PDK1: variants seen among roughly 807,000 people sequenced by gnomAD.
PDK1 encodes the protein pyruvate dehydrogenase kinase 1.
A neutral mutation model predicts 54.2 loss-of-function variants in PDK1; 39 were observed. That is an observed-to-expected ratio of 0.72 (90% CI 0.56 to 0.94). The LOEUF (loss-of-function observed/expected upper bound fraction) is 0.94, where lower values mean the gene tolerates loss of function less well. Among genes scored for constraint, PDK1 ranks in the 40% least tolerant of loss-of-function variants. The pLI, the probability that PDK1 is intolerant of heterozygous loss-of-function variation, is 0.00. For synonymous variants in PDK1, 221 were observed against 207.1 expected, an observed-to-expected ratio of 1.07 and a Z score of -0.58; for missense variants, 552 against 566.0, an observed-to-expected ratio of 0.98 and a Z score of 0.25.
the PDK1 span, among the ~76,000 whole-genome samples, chr2:172,665,220 C>A: frequency 6.6e-6 from 1 of 151,456 alleles, no homozygotes; most frequent in African/African-American, 2.4e-5. Context: ...TCAATGATTG[C>A]CCCCTTTAAA....
chr2:172,558,983 C>T (rs1054284033), intron 2 of PDK1, 134 bp downstream of exon 2: 3 of 918,720 alleles, frequency 3.3e-6, no homozygotes, highest in East Asian at 2.9e-5. Context: ...GAGTCTTGCT[C>T]TGTCGCCCAG....
the PDK1 span, among the ~76,000 whole-genome samples, chr2:172,702,744 T>A: frequency 4.5e-4 from 68 of 152,228 alleles, 1 homozygote; most frequent in African/African-American, 1.0e-3. Context: ...AACAGATTTT[T>A]AAAAAAATTG....
the PDK1 span, among the ~76,000 whole-genome samples, chr2:172,642,754 TCTC>T: frequency 1.3e-5 from 2 of 151,598 alleles, no homozygotes; most frequent in East Asian, 2.0e-4. Context: ...CTGGCTTTCT[TCTC>T]CTCTTCGTCT....
the PDK1 span, among the ~76,000 whole-genome samples, chr2:172,618,940 A>G: frequency 6.6e-6 from 1 of 152,150 alleles, no homozygotes; most frequent in African/African-American, 2.4e-5. Context: ...TAAAGAAATT[A>G]TGGTCTGCAG....
At chr2:172,580,044 G>A (rs1471090516) in intron 8 of PDK1, among the ~76,000 whole-genome samples, 1 of 150,770 alleles carries the variant, frequency 6.6e-6, no homozygotes, top group African/African-American at 2.4e-5. Flanking sequence ...TTAGAATTCT[G>A]CTCTAGTTTT....
rs1690991812 is a variant in PDK1 at position 172,598,277 on chromosome 2, TTCTC to T, written c.*2312_*2315del. 1 of 152,354 alleles carries T rather than the reference TTCTC, an allele frequency of 6.6e-6. No homozygotes were observed. Among genetic ancestry groups the T allele is most frequent in the East Asian group, 1.9e-4 (1 of 5,192 alleles). The allele number at this position is 152,354 out of a possible 1,614,324, so 9.4% of individuals were successfully genotyped here. ...CCTCCCCCAAGAAAATTTAAACTTT[TTCTC>T]TCTATTTAAAAGCTAAGAAATGTTT... is the stretch of plus-strand genomic sequence containing the variant. On this transcript the variant is annotated 3_prime_UTR_variant, in exon 11 of 11. Coordinates refer to ENST00000282077, the MANE Select transcript of PDK1 (RefSeq NM_002610.5).
At chr2:172,571,226 T>G (rs544751516) in intron 8 of PDK1, among the ~76,000 whole-genome samples, 2 of 152,336 alleles carry the variant, frequency 1.3e-5, no homozygotes, top group African/African-American at 2.4e-5. Context: ...GGTAATTTTA[T>G]CCTCACTTTT....
intron 3 of PDK1, among the ~76,000 whole-genome samples, chr2:172,563,318 T>A (rs1168614202): frequency 1.3e-5 from 2 of 152,136 alleles, no homozygotes; most frequent in Non-Finnish European, 2.9e-5. Context: ...AATGATGAGT[T>A]GTTTGTTGTT....
the PDK1 span, among the ~76,000 whole-genome samples, chr2:172,682,019 A>G: frequency 6.6e-6 from 1 of 152,350 alleles, no homozygotes; most frequent in African/African-American, 2.4e-5. Flanking sequence ...CGGCCTTCCA[A>G]AGTGCTGGGG....
At chr2:172,556,605 C>A in intron 1 of PDK1, 1 of 344,950 alleles carries the variant, frequency 2.9e-6, no homozygotes. Flanking sequence ...GACGACCTCC[C>A]GCCTCCCGGC....
At chr2:172,704,219 G>T in the PDK1 span, among the ~76,000 whole-genome samples, 13 of 152,064 alleles carry the variant, frequency 8.5e-5, no homozygotes, top group African/African-American at 2.9e-4. Context: ...ACACTCCAAC[G>T]GCTCCTGGCA....
the PDK1 span, among the ~76,000 whole-genome samples, chr2:172,627,833 C>T: frequency 1.3e-5 from 2 of 152,152 alleles, no homozygotes; most frequent in Non-Finnish European, 2.9e-5. Context: ...TTTCAGAAAC[C>T]GAACCCTCAC....
chr2:172,719,312 TTC>T, the PDK1 span, among the ~76,000 whole-genome samples: 1 of 152,206 alleles, frequency 6.6e-6, no homozygotes, highest in Admixed American at 6.5e-5. Context: ...AGGTTTTTAT[TTC>T]TCTTTGGTAA....
At chr2:172,621,007 C>T in the PDK1 span, among the ~76,000 whole-genome samples, 24 of 152,254 alleles carry the variant, frequency 1.6e-4, no homozygotes, top group African/African-American at 5.3e-4. Context: ...CGGCTGGGCA[C>T]GGTGGCTCAC....
rs2149186506 is a variant in PDK1, at chr2:172,558,782, A to G, written c.271A>G (p.Met91Val). The G allele has an allele frequency of 6.2e-7, 1 of 1,612,196 alleles. No homozygotes were observed. The highest frequency in any genetic ancestry group is 8.5e-7 in the Non-Finnish European group (1 of 1,179,228). Residue 91 changes from methionine (M) to valine (V), a missense_variant, in exon 2 of 11, where the codon ATG becomes GTG. Physicochemically the swap from Met to Val is conservative, Grantham distance 21 (BLOSUM62 1). Coordinates refer to ENST00000282077, the MANE Select transcript of PDK1 (RefSeq NM_002610.5). ...GTTGCCTGTCAGACTGGCAAATATA[A>G]TGAAAGAAATAAGTCTCCTTCCAGA... Reference protein sequence around the residue: ...QELPVRLANIMKEISLLPDNL... With the variant: ...QELPVRLANIVKEISLLPDNL...
At chr2:172,717,443 A>G in the PDK1 span, among the ~76,000 whole-genome samples, 13,470 of 152,294 alleles carry the variant, frequency 0.088, 1,255 homozygotes, top group East Asian at 0.52. Context: ...TGGTTGTGTA[A>G]TAACAGATAA....
the PDK1 span, among the ~76,000 whole-genome samples, chr2:172,700,893 C>T: frequency 6.3e-3 from 961 of 152,272 alleles, 14 homozygotes; most frequent in African/African-American, 0.022. Context: ...ATCCCAGGCA[C>T]TCCGCATGCC....
At chr2:172,679,791 A>G in the PDK1 span, among the ~76,000 whole-genome samples, 1 of 152,198 alleles carries the variant, frequency 6.6e-6, no homozygotes, top group African/African-American at 2.4e-5. Context: ...CAAGAAAGAA[A>G]AGAAGGTAAT....
At chr2:172,709,171 A>G in the PDK1 span, among the ~76,000 whole-genome samples, 7 of 152,172 alleles carry the variant, frequency 4.6e-5, no homozygotes, top group Non-Finnish European at 7.3e-5. Context: ...AAAACAATAC[A>G]TCTACTACCA....
Sources: allele counts gnomAD v4.1 joint callset (sites outside exome capture counted in the v4.1 genomes callset), GRCh38; gene constraint gnomAD v4.1.1; transcripts MANE v1.5; gene names NCBI Gene and HGNC (gene_info 2026-07-23, HGNC 2026-07-21).